The following IGF1R variants were observed in gnomAD, a reference collection of about 807,000 sequenced individuals.
IGF1R encodes the protein insulin-like growth factor 1 receptor.
A neutral mutation model predicts 144.6 loss-of-function variants in IGF1R; 44 were observed. The observed-to-expected ratio is 0.30, with a 90% CI of 0.24 to 0.39. The LOEUF (loss-of-function observed/expected upper bound fraction) is 0.39. Ranked by LOEUF, IGF1R falls within the 10% of genes least tolerant of loss-of-function variation. The probability of loss-of-function intolerance (pLI) is 1.00; values close to 1 mark genes in which losing one functional copy is unlikely to be tolerated. For synonymous variants in IGF1R, 795 were observed against 722.8 expected (o/e 1.10, Z -1.60); for missense variants, 1,355 against 1,833.7 (o/e 0.74, Z 4.77).
chr15:98,916,887 C>T lies in IGF1R; in HGVS notation c.2201+11C>T. ...CATCTTCGTGCCCAGGTACCCAGCT[C>T]ATGTGAAATTTCAGTTGGCAAAACC... On this transcript the variant is annotated intron_variant, in intron 10 of 20. Transcript: ENST00000650285. 2 of 1,613,454 alleles carry T rather than the reference C, an allele frequency of 1.2e-6. No individual in the cohort carries two copies. Among genetic ancestry groups the T allele is most frequent in the Non-Finnish European group, 1.7e-6 (2 of 1,179,474 alleles).
In IGF1R at chr15:98,885,442, C is replaced by T. The variant is rs202234227; in HGVS notation, c.641-5883C>T. On this transcript the variant is annotated intron_variant, in intron 2 of 20. Transcript: ENST00000650285. ...CCGTGTTGTCTCATGGTCAGTTCCT[C>T]TCCTGGCAAGGCAAGAGAATCATAA... Among the ~76,000 whole-genome samples, 7 of 152,270 alleles carry T rather than the reference C, an allele frequency of 4.6e-5. No individual in the cohort carries two copies. The East Asian group carries it at 1.4e-3, about 29-fold the overall frequency.
intron 1 of IGF1R, among the ~76,000 whole-genome samples, chr15:98,695,348 G>T (rs2053571978): frequency 6.6e-6 from 1 of 152,166 alleles, no homozygotes; most frequent in Non-Finnish European, 1.5e-5. Context: ...TTAAAGAGGT[G>T]CCCACTCTGG....
At chr15:98,839,239 A>G (rs2011135347) in intron 2 of IGF1R, among the ~76,000 whole-genome samples, 1 of 152,242 alleles carries the variant, frequency 6.6e-6, no homozygotes, top group African/African-American at 2.4e-5. Flanking sequence ...CAAAAAATTG[A>G]GGCACAGAAA....
chr15:98,823,729 C>T (rs1463549866), intron 2 of IGF1R, among the ~76,000 whole-genome samples: 1 of 152,172 alleles, frequency 6.6e-6, no homozygotes, highest in African/African-American at 2.4e-5. Context: ...GTAACCATAA[C>T]TTCTTGGTTT....
intron 18 of IGF1R, among the ~76,000 whole-genome samples, chr15:98,941,426 T>C (rs1050934230): frequency 1.3e-5 from 2 of 152,228 alleles, no homozygotes; most frequent in Admixed American, 6.5e-5. Flanking sequence ...TGTTCAACCA[T>C]GTGGCATATT....
rs543644409 is a variant in IGF1R at position 98,857,999 on chromosome 15, A to T, written c.641-33326A>T. On this transcript the variant is annotated intron_variant, in intron 2 of 20. Transcript: ENST00000650285. ...TTGGTGTTGATTATTAGCAAATACT[A>T]AGTACTTGTAATGACCTAAGAACTA... Among the ~76,000 whole-genome samples, 10 of 152,356 alleles carry T rather than the reference A, an allele frequency of 6.6e-5. No homozygotes were observed. In the South Asian group the frequency reaches 2.1e-3, roughly 32 times the overall value.
At chr15:98,866,143 T>TC (rs973835103) in intron 2 of IGF1R, among the ~76,000 whole-genome samples, 6 of 152,198 alleles carry the variant, frequency 3.9e-5, no homozygotes, top group African/African-American at 1.4e-4. Flanking sequence ...GTCTTACTGT[T>TC]CCACGCGAGC....
At chr15:98,864,855 A>C (rs1389960117) in intron 2 of IGF1R, among the ~76,000 whole-genome samples, 2 of 152,198 alleles carry the variant, frequency 1.3e-5, no homozygotes, top group African/African-American at 4.8e-5. Flanking sequence ...CGAATGGCTA[A>C]ATTTTTTAAA....
chr15:98,843,756 A>G (rs181811061), intron 2 of IGF1R, among the ~76,000 whole-genome samples: 8 of 152,282 alleles, frequency 5.3e-5, no homozygotes, highest in African/African-American at 1.7e-4. Flanking sequence ...CTTTCTTCAG[A>G]GTGGGATTGT....
intron 1 of IGF1R, among the ~76,000 whole-genome samples, chr15:98,669,387 G>A (rs1555430142): frequency 6.6e-6 from 1 of 152,168 alleles, no homozygotes; most frequent in Non-Finnish European, 1.5e-5. Flanking sequence ...AATTTTGCAT[G>A]CCAGTTATTT....
At chr15:98,951,533 G>A (rs1454288927) in intron 20 of IGF1R, among the ~76,000 whole-genome samples, 1 of 152,264 alleles carries the variant, frequency 6.6e-6, no homozygotes, top group Non-Finnish European at 1.5e-5. Context: ...AGAGGTTTCT[G>A]AAGGCGAGGA....
intron 2 of IGF1R, among the ~76,000 whole-genome samples, chr15:98,746,476 A>G (rs1460097554): frequency 6.6e-6 from 1 of 152,154 alleles, no homozygotes; most frequent in Non-Finnish European, 1.5e-5. Flanking sequence ...TTTTTAGTGT[A>G]ACTTAGCACA....
intron 19 of IGF1R, among the ~76,000 whole-genome samples, chr15:98,947,475 C>T (rs2016596713): frequency 6.6e-6 from 1 of 152,136 alleles, no homozygotes; most frequent in Non-Finnish European, 1.5e-5. Context: ...TGCTCCCCAC[C>T]CTGCTCCCGC....
At chr15:98,821,367 A>G (rs2056798996) in intron 2 of IGF1R, among the ~76,000 whole-genome samples, 1 of 151,358 alleles carries the variant, frequency 6.6e-6, no homozygotes, top group South Asian at 2.1e-4. Flanking sequence ...CCTCCCTTGG[A>G]TCTGGAACTT....
intron 19 of IGF1R, among the ~76,000 whole-genome samples, chr15:98,944,388 T>C (rs570124992): frequency 3.3e-5 from 5 of 152,296 alleles, no homozygotes; most frequent in Non-Finnish European, 7.3e-5. Flanking sequence ...CAAAAAGATA[T>C]GTATAAACAT....
intron 20 of IGF1R, 54 bp from the exon 21 acceptor site, chr15:98,957,007 C>T (rs1320949626): frequency 1.2e-6 from 2 of 1,607,236 alleles, no homozygotes; most frequent in Admixed American, 1.7e-5. Flanking sequence ...ATGAAGCCTC[C>T]TGGCCATGTG....
At chr15:98,671,895 A>G (rs554586991) in intron 1 of IGF1R, among the ~76,000 whole-genome samples, 42 of 152,330 alleles carry the variant, frequency 2.8e-4, no homozygotes, top group South Asian at 1.7e-3. Flanking sequence ...ATTTCAGTGG[A>G]ATTCTTGAGA....
chr15:98,807,448 T>C (rs1053557658), intron 2 of IGF1R, among the ~76,000 whole-genome samples: 2 of 152,260 alleles, frequency 1.3e-5, no homozygotes, highest in Non-Finnish European at 2.9e-5. Context: ...TTGTGATATC[T>C]GAGACGTTTT....
intron 10 of IGF1R, among the ~76,000 whole-genome samples, chr15:98,920,089 G>A (rs935132210): frequency 6.6e-6 from 1 of 152,204 alleles, no homozygotes; most frequent in Non-Finnish European, 1.5e-5. Flanking sequence ...ACATAGTTTG[G>A]TTTAACTAGC....
Sources: allele counts gnomAD v4.1 joint callset (sites outside exome capture counted in the v4.1 genomes callset), GRCh38; gene constraint gnomAD v4.1.1; transcripts MANE v1.5; gene names NCBI Gene and HGNC (gene_info 2026-07-23, HGNC 2026-07-21).